KLRD1: variants seen among roughly 807,000 people sequenced by gnomAD.
KLRD1 encodes killer cell lectin like receptor D1, also known as natural killer cells antigen CD94.
In KLRD1, 21 loss-of-function variants were observed where a neutral mutation model predicts 22.6. The ratio of observed to expected loss-of-function variants is 0.93; its 90% CI spans 0.66 to 1.34. The LOEUF (loss-of-function observed/expected upper bound fraction) is 1.34. Ranked by LOEUF, KLRD1 falls within the 40% of genes most tolerant of loss-of-function variation. KLRD1 has a pLI of 0.00. For synonymous variants in KLRD1, 59 were observed against 71.1 expected (o/e 0.83, Z 0.85); for missense variants, 183 against 208.6 (o/e 0.88, Z 0.76).
At chr12:10,301,112 T>C (rs1358707105), upstream of KLRD1, among the ~76,000 whole-genome samples, 1 of 152,150 alleles carries the variant, frequency 6.6e-6, no homozygotes, top group African/African-American at 2.4e-5. Context: ...ATAAAATGAA[T>C]GAAGGGGGAA....
Position 10,325,155 on chromosome 12 carries a change from C to A in KLRD1, c.*10362C>A, listed in dbSNP as rs1592105141. 1 of 151,786 alleles carries A rather than the reference C, an allele frequency of 6.6e-6. No homozygotes were observed. The highest frequency in any genetic ancestry group is 1.9e-4 in the East Asian group (1 of 5,158). The allele number at this position is 151,786 out of a possible 1,614,324, so 9.4% of individuals were successfully genotyped here. A position where few individuals can be genotyped will look rare whatever the true frequency, so the allele number is the denominator to read the frequency against. On this transcript the variant is annotated 3_prime_UTR_variant, in exon 6 of 6. Coordinates refer to ENST00000336164, the MANE Select transcript of KLRD1 (RefSeq NM_002262.5). ...TTAGCTGTAGGATTTTCATAAATGACCTTTACTAGGTTGAGAAAGTTCCCT... is the reference window on the plus strand; with the variant it reads ...TTAGCTGTAGGATTTTCATAAATGAACTTTACTAGGTTGAGAAAGTTCCCT...
intron 1 of KLRD1, among the ~76,000 whole-genome samples, chr12:10,286,661 GCTTTTTT>G (rs1949707093): frequency 4.1e-5 from 2 of 49,338 alleles, no homozygotes; most frequent in Non-Finnish European, 8.1e-5. Context: ...CGCTTATGGT[GCTTTTTT>G]TTTTTTTTTT....
At chr12:10,268,666 T>C (rs1437829497) in intron 1 of KLRD1, among the ~76,000 whole-genome samples, 1 of 152,228 alleles carries the variant, frequency 6.6e-6, no homozygotes, top group Non-Finnish European at 1.5e-5. Flanking sequence ...CTAGGTTTTC[T>C]TACATTGTGG....
chr12:10,258,178 A>G (rs10734822), intron 1 of KLRD1, among the ~76,000 whole-genome samples: 121,841 of 152,094 alleles, frequency 0.8, 53,410 homozygotes, highest in Non-Finnish European at 0.98. Context: ...CTCTATAAAC[A>G]TATGAGTCCA....
At chr12:10,295,261 C>T (rs765747077) in intron 1 of KLRD1, among the ~76,000 whole-genome samples, 7 of 152,112 alleles carry the variant, frequency 4.6e-5, no homozygotes, top group Non-Finnish European at 1.0e-4. Flanking sequence ...ATTTATCCTA[C>T]GAGATCATGC....
At chr12:10,312,480 G>A (rs183132507) in intron 4 of KLRD1, among the ~76,000 whole-genome samples, 154 of 151,690 alleles carry the variant, frequency 1.0e-3, no homozygotes, top group Non-Finnish European at 1.8e-3. Flanking sequence ...CCGGGTTCAC[G>A]CCATTCTCCT....
At chr12:10,252,189 C>G (rs1375808787) in intron 1 of KLRD1, among the ~76,000 whole-genome samples, 2 of 152,142 alleles carry the variant, frequency 1.3e-5, no homozygotes, top group East Asian at 3.8e-4. Context: ...ATAATCCCAG[C>G]ACTTTGGGAG....
intron 1 of KLRD1, among the ~76,000 whole-genome samples, chr12:10,297,749 TG>T: frequency 6.6e-6 from 1 of 152,184 alleles, no homozygotes; most frequent in Non-Finnish European, 1.5e-5. Flanking sequence ...ATGGGAGTAA[TG>T]TAGGGTGATC....
At chr12:10,302,162 T>C (rs1453367636), upstream of KLRD1, among the ~76,000 whole-genome samples, 3 of 151,998 alleles carry the variant, frequency 2.0e-5, no homozygotes, top group Non-Finnish European at 4.4e-5. Context: ...AGACATGAAT[T>C]GAACACATGC....
upstream of KLRD1, among the ~76,000 whole-genome samples, chr12:10,300,804 G>T (rs12578135): frequency 3.9e-3 from 598 of 152,322 alleles, 19 homozygotes; most frequent in East Asian, 0.068. Flanking sequence ...AATTAGTTTT[G>T]CTAGATCTTC....
rs370243823 is a variant in KLRD1, at chr12:10,309,505, A to G, written c.100+25A>G. On this transcript the variant is annotated intron_variant, in intron 2 of 5. Transcript: ENST00000336164. The stretch of plus-strand genomic sequence containing the variant: ...TGTAAGTTTTTCTAAGCAAGTCTCC[A>G]TAAAAATCAAAACTGTGAAGACATC... 5 of 1,354,896 alleles carry G rather than the reference A, an allele frequency of 3.7e-6. No homozygotes were observed. In the African/African-American group the frequency reaches 7.1e-5, roughly 19 times the overall value. 83.9% of individuals were successfully genotyped at this position (1,354,896 alleles called of 1,614,324 possible).
chr12:10,261,611 T>C (rs1933089197), intron 1 of KLRD1, among the ~76,000 whole-genome samples: 1 of 152,108 alleles, frequency 6.6e-6, no homozygotes, highest in South Asian at 2.1e-4. Flanking sequence ...AAAGAAGCAA[T>C]ATTCTTACAA....
Position 10,324,814 on chromosome 12 carries a change from G to GTATATATATA in KLRD1, c.*10022_*10023insATATATATAT, listed in dbSNP as rs1246906245. 1.7e-4 allele frequency: 2 copies of GTATATATATA among 11,952 alleles called. No individual in the cohort carries two copies. Among genetic ancestry groups the GTATATATATA allele is most frequent in the Non-Finnish European group, 3.6e-4 (2 of 5,584 alleles). 0.7% of individuals were successfully genotyped at this position (11,952 alleles called of 1,614,324 possible). A position where few individuals can be genotyped will look rare whatever the true frequency, so the allele number is the denominator to read the frequency against. ...TGTAAGTATATATGTATATGTGTGT[G>GTATATATATA]TGTGTATATATATATATATATATAT... On this transcript the variant is annotated 3_prime_UTR_variant, in exon 6 of 6. Transcript: ENST00000336164.
At chr12:10,253,256 A>G (rs1335985002) in intron 1 of KLRD1, among the ~76,000 whole-genome samples, 1 of 152,148 alleles carries the variant, frequency 6.6e-6, no homozygotes, top group Non-Finnish European at 1.5e-5. Context: ...ATGTATCCAG[A>G]GACTGCTTTT....
At chr12:10,295,359 G>C (rs1440658864) in intron 1 of KLRD1, among the ~76,000 whole-genome samples, 1 of 152,024 alleles carries the variant, frequency 6.6e-6, no homozygotes, top group Non-Finnish European at 1.5e-5. Context: ...ATTCCAGAGT[G>C]GATTGGGAAC....
At chr12:10,286,550 G>T (rs1420325134) in intron 1 of KLRD1, among the ~76,000 whole-genome samples, 2 of 147,994 alleles carry the variant, frequency 1.4e-5, no homozygotes, top group African/African-American at 5.0e-5. Flanking sequence ...TTGACATCTT[G>T]TATTTAGCAG....
At chr12:10,274,367 T>A (rs1345209406) in intron 1 of KLRD1, among the ~76,000 whole-genome samples, 1 of 152,144 alleles carries the variant, frequency 6.6e-6, no homozygotes, top group Non-Finnish European at 1.5e-5. Context: ...AAATAGAAGA[T>A]CAACATTTAT....
chr12:10,243,660 GA>G (rs1234872528), intron 1 of KLRD1, among the ~76,000 whole-genome samples: 1 of 133,726 alleles, frequency 7.5e-6, no homozygotes, highest in Non-Finnish European at 1.6e-5. Context: ...GGAACAATGT[GA>G]AAAATCTGGC....
rs541524321 is a variant in KLRD1, at chr12:10,243,639, A to G, written c.-101+17406A>G. On this transcript the variant is annotated intron_variant, in intron 1 of 5. Coordinates refer to the KLRD1 transcript ENST00000544747. ...AAAAAAAAAAAAAAAAAAAACCGAA[A>G]TGAAAGATATGGAACAATGTGAAAA... Among the ~76,000 whole-genome samples, 271 of 148,242 alleles carry G rather than the reference A, an allele frequency of 1.8e-3. 7 individuals carry two copies. Among genetic ancestry groups the G allele is most frequent in the Middle Eastern group, 6.8e-3 (2 of 292 alleles).
Sources: gnomAD v4.1 joint callset for allele counts (sites outside exome capture counted in the v4.1 genomes callset) on GRCh38, gnomAD v4.1.1 for gene constraint, MANE v1.5 for transcripts, NCBI Gene and HGNC (gene_info 2026-07-23, HGNC 2026-07-21) for gene names.